Variants in SCARA3 observed in about 807,000 individuals in gnomAD.
The protein encoded by SCARA3 is scavenger receptor class A member 3.
In SCARA3, 39 loss-of-function variants were observed where a neutral mutation model predicts 47.0. The observed-to-expected ratio is 0.83, with a 90% CI of 0.64 to 1.08. The LOEUF (loss-of-function observed/expected upper bound fraction) is 1.08, where lower values mean the gene tolerates loss of function less well. Among genes scored for constraint, SCARA3 ranks in the 50% least tolerant of loss-of-function variants. The probability of loss-of-function intolerance (pLI) is 0.00; values close to 1 mark genes in which losing one functional copy is unlikely to be tolerated. For missense variants in SCARA3, 724 were observed against 792.3 expected, an observed-to-expected ratio of 0.91 and a Z score of 1.04; for synonymous variants, 356 against 334.1, an observed-to-expected ratio of 1.07 and a Z score of -0.71.
At chr8:27,647,172 T>A (rs1377971840) in intron 1 of SCARA3, among the ~76,000 whole-genome samples, 1 of 152,066 alleles carries the variant, frequency 6.6e-6, no homozygotes, top group Non-Finnish European at 1.5e-5. Flanking sequence ...CGTGCACACA[T>A]GTGCAAGCAC....
chr8:27,649,672 T>C (rs747413769), intron 1 of SCARA3, 30 bp from the exon 2 acceptor site: 2 of 1,605,772 alleles, frequency 1.2e-6, no homozygotes, highest in African/African-American at 1.3e-5. Context: ...TGGGATGGCT[T>C]TGGGTCTGAC....
Position 27,670,096 on chromosome 8 carries a change from C to T in SCARA3, c.1370-804C>T, listed in dbSNP as rs1802111373. Among the ~76,000 whole-genome samples the T allele has an allele frequency of 1.3e-5, 2 of 152,194 alleles. 1 individual carries two copies. Among genetic ancestry groups the T allele is most frequent in the South Asian group, 4.1e-4 (2 of 4,828 alleles). Reference sequence around the variant, plus strand: ...AAGGGCCGTATCTTCATCTTGGCAACTCCCGCAGGCCCTCATGCAGAGCCA... The same window carrying T: ...AAGGGCCGTATCTTCATCTTGGCAATTCCCGCAGGCCCTCATGCAGAGCCA... On this transcript the variant is annotated intron_variant, in intron 5 of 5. Coordinates refer to ENST00000301904, the MANE Select transcript of SCARA3 (RefSeq NM_016240.3).
At chr8:27,674,418 T>C (rs1428929018), downstream of SCARA3, among the ~76,000 whole-genome samples, 2 of 152,168 alleles carry the variant, frequency 1.3e-5, no homozygotes. Context: ...GCACTGGCCC[T>C]CTCTGACCTT....
intron 4 of SCARA3, among the ~76,000 whole-genome samples, chr8:27,658,075 T>C (rs1456656633): frequency 6.6e-6 from 1 of 152,230 alleles, no homozygotes; most frequent in Non-Finnish European, 1.5e-5. Flanking sequence ...TACGTGGCTA[T>C]TTACCAAGCC....
intron 1 of SCARA3, among the ~76,000 whole-genome samples, chr8:27,645,592 C>A (rs71519645): frequency 6.6e-6 from 1 of 152,238 alleles, no homozygotes; most frequent in Non-Finnish European, 1.5e-5. Flanking sequence ...GCCACTTAAC[C>A]TCTCTGAGCC....
At chr8:27,699,716 C>T in the SCARA3 span, among the ~76,000 whole-genome samples, 3 of 151,856 alleles carry the variant, frequency 2.0e-5, no homozygotes, top group Non-Finnish European at 4.4e-5. Flanking sequence ...ATCACTTGAT[C>T]CCAAAAGTTC....
In SCARA3 at chr8:27,671,566, G is replaced by A; in HGVS notation, c.*215G>A. 1.6e-6 allele frequency: 2 copies of A among 1,269,708 alleles called. No individual in the cohort carries two copies. Among genetic ancestry groups the A allele is most frequent in the Non-Finnish European group, 2.0e-6 (2 of 1,010,916 alleles). 78.7% of individuals were successfully genotyped at this position (1,269,708 alleles called of 1,614,324 possible). ...CATACATGTGCACATGCACACACAT[G>A]CATGCACACACATGCACACATACAC... On this transcript the variant is annotated 3_prime_UTR_variant, in exon 6 of 6. Transcript: ENST00000301904.
At chr8:27,721,495 CA>C in the SCARA3 span, among the ~76,000 whole-genome samples, 1 of 152,024 alleles carries the variant, frequency 6.6e-6, no homozygotes, top group Non-Finnish European at 1.5e-5. Flanking sequence ...ATATAAAGAA[CA>C]AAAGAATGAG....
chr8:27,654,007 G>A (rs963718601), intron 3 of SCARA3, among the ~76,000 whole-genome samples: 2 of 152,134 alleles, frequency 1.3e-5, no homozygotes, highest in South Asian at 4.1e-4. Flanking sequence ...CATTAGGCTG[G>A]ATTTCACCTG....
At chr8:27,700,384 A>C in the SCARA3 span, among the ~76,000 whole-genome samples, 5 of 152,186 alleles carry the variant, frequency 3.3e-5, no homozygotes, top group African/African-American at 1.2e-4. Context: ...AGATGGGCAA[A>C]TCACTGGAGG....
At chr8:27,677,305 TTGCGGCTG>T (rs1468641627), downstream of SCARA3, among the ~76,000 whole-genome samples, 9 of 152,162 alleles carry the variant, frequency 5.9e-5, no homozygotes, top group African/African-American at 2.2e-4. Context: ...TGACTGGAGT[TTGCGGCTG>T]CCAAGGCAGC....
At position 27,669,655 on chromosome 8, in the gene SCARA3, T is replaced by C. The variant is rs555100647; in HGVS notation, c.1370-1245T>C. Among the ~76,000 whole-genome samples, 41 of 152,322 alleles carry C rather than the reference T, an allele frequency of 2.7e-4. 1 individual carries two copies. In the East Asian group the frequency reaches 7.5e-3, roughly 28 times the overall value. ...TGAGCCATGCAGGGCCACATCCCCG[T>C]GGCGGGAGGTGGGCAAGGGCAGGTG... On this transcript the variant is annotated intron_variant, in intron 5 of 5. Transcript: ENST00000301904.
At chr8:27,715,603 A>G in the SCARA3 span, among the ~76,000 whole-genome samples, 2 of 151,524 alleles carry the variant, frequency 1.3e-5, no homozygotes, top group Non-Finnish European at 2.9e-5. The surrounding 1 kb of genome is among the most constrained non-coding windows in gnomAD (Gnocchi z 4.2). Flanking sequence ...AGATAGATAG[A>G]TAGATAGATA....
At chr8:27,644,621 G>GGAGAGAGAGAGA (rs71553870) in intron 1 of SCARA3, among the ~76,000 whole-genome samples, 9 of 147,270 alleles carry the variant, frequency 6.1e-5, no homozygotes, top group East Asian at 6.0e-4. Context: ...GAAAAGAAGG[G>GGAGAGAGAGAGA]GAGAGAGAGA....
chr8:27,700,526 G>T, the SCARA3 span, among the ~76,000 whole-genome samples: 1 of 151,828 alleles, frequency 6.6e-6, no homozygotes, highest in African/African-American at 2.4e-5. Flanking sequence ...AAAATCACTT[G>T]AACCCAGGAG....
chr8:27,726,100 C>T, the SCARA3 span, among the ~76,000 whole-genome samples: 1 of 152,170 alleles, frequency 6.6e-6, no homozygotes, highest in Admixed American at 6.5e-5. Context: ...CTCTTCCAAC[C>T]TCCACAGGCT....
chr8:27,691,623 G>T, the SCARA3 span, among the ~76,000 whole-genome samples: 82 of 152,212 alleles, frequency 5.4e-4, no homozygotes, highest in African/African-American at 1.9e-3. Flanking sequence ...AAATTTCAGT[G>T]CACAAATAGC....
At chr8:27,687,178 C>G in the SCARA3 span, among the ~76,000 whole-genome samples, 1 of 152,128 alleles carries the variant, frequency 6.6e-6, no homozygotes, top group Non-Finnish European at 1.5e-5. Flanking sequence ...CAGAATTTTG[C>G]TGGAAGTATT....
the SCARA3 span, among the ~76,000 whole-genome samples, chr8:27,693,918 A>G: frequency 1.1e-4 from 16 of 152,328 alleles, no homozygotes; most frequent in Non-Finnish European, 1.9e-4. Context: ...AGATAGAACC[A>G]ATGTACGTCT....
Sources: gnomAD v4.1 joint callset for allele counts (sites outside exome capture counted in the v4.1 genomes callset) on GRCh38, gnomAD v4.1.1 for gene constraint, Gnocchi (gnomAD v3.1) non-coding constraint, MANE v1.5 for transcripts, NCBI Gene and HGNC (gene_info 2026-07-23, HGNC 2026-07-21) for gene names.